Variants in ANKS1B observed in about 807,000 individuals in gnomAD.
ANKS1B encodes ankyrin repeat and sterile alpha motif domain-containing protein 1B.
ANKS1B carries 36 observed loss-of-function variants against 148.3 expected under a neutral mutation model. The observed-to-expected ratio is 0.24, with a 90% confidence interval of 0.19 to 0.32. The LOEUF (loss-of-function observed/expected upper bound fraction) is 0.32. Ranked by LOEUF, ANKS1B falls within the 10% of genes least tolerant of loss-of-function variation. The pLI is 1.00. For missense variants in ANKS1B, 1,157 were observed against 1,542.6 expected (o/e 0.75, Z 4.19); for synonymous variants, 542 against 560.8 (o/e 0.97, Z 0.47).
rs539726846 is a variant in ANKS1B at position 98,941,018 on chromosome 12, G to A, written c.2779-108882C>T. On this transcript the variant is annotated intron_variant, in intron 17 of 26. Coordinates refer to ENST00000683438, the MANE Select transcript of ANKS1B (RefSeq NM_001352186.2). ...ATTCATGGTAGTTATATTCTATAAG[G>A]TCACTACAAACACTGAATTGCAAAT... 1.0e-3 allele frequency among the ~76,000 whole-genome samples: 155 copies of A among 152,166 alleles called. 2 individuals carry two copies. Among genetic ancestry groups the A allele is most frequent in the Non-Finnish European group, 7.4e-4 (50 of 68,004 alleles).
At chr12:99,016,343 T>C (rs2099942527) in intron 17 of ANKS1B, among the ~76,000 whole-genome samples, 1 of 152,184 alleles carries the variant, frequency 6.6e-6, no homozygotes, top group Non-Finnish European at 1.5e-5. Flanking sequence ...TAAAGTATAC[T>C]CAGATTTGCT....
chr12:99,031,945 C>T (rs1250353716), intron 17 of ANKS1B, among the ~76,000 whole-genome samples: 1 of 152,128 alleles, frequency 6.6e-6, no homozygotes, highest in Admixed American at 6.5e-5. Context: ...TTACTTTGGC[C>T]TCAATTAAAA....
intron 3 of ANKS1B, among the ~76,000 whole-genome samples, chr12:99,807,489 G>T (rs1224207853): frequency 6.6e-6 from 1 of 152,158 alleles, no homozygotes; most frequent in Non-Finnish European, 1.5e-5. Context: ...GTATAGGTAT[G>T]TCAGGAGGTG....
chr12:99,185,750 G>C (rs1478352385), intron 14 of ANKS1B, among the ~76,000 whole-genome samples: 7 of 152,234 alleles, frequency 4.6e-5, no homozygotes, highest in African/African-American at 1.7e-4. Flanking sequence ...GCAACCTGCA[G>C]ACCAGGAGAT....
chr12:99,535,617 C>T (rs1484790807), intron 9 of ANKS1B, among the ~76,000 whole-genome samples: 1 of 152,082 alleles, frequency 6.6e-6, no homozygotes, highest in African/African-American at 2.4e-5. Context: ...CAACTGTATG[C>T]CAAGGCTCTA....
intron 8 of ANKS1B, among the ~76,000 whole-genome samples, chr12:99,771,286 A>T (rs1157141292): frequency 2.0e-5 from 3 of 152,066 alleles, no homozygotes; most frequent in African/African-American, 7.2e-5. Flanking sequence ...GTCTATATAT[A>T]TATAATTTAC....
intron 10 of ANKS1B, among the ~76,000 whole-genome samples, chr12:99,469,155 T>G (rs866281293): frequency 1.3e-5 from 2 of 151,568 alleles, no homozygotes; most frequent in African/African-American, 4.9e-5. Flanking sequence ...ATGGATGAAA[T>G]TGGAAATCAT....
In ANKS1B at chr12:99,830,664, C is replaced by A. The variant is rs116879785; in HGVS notation, c.135-5275G>T. ...CAAAAAAAAAAAAAAAGGAAAACAT[C>A]ATTCAATAAATAGTCCCGAGAAATA... is the stretch of plus-strand genomic sequence containing the variant. On this transcript the variant is annotated intron_variant, in intron 1 of 26. Transcript: ENST00000683438. 1.7e-3 allele frequency among the ~76,000 whole-genome samples: 248 copies of A among 149,998 alleles called. 8 individuals carry two copies. The East Asian group carries it at 0.041, about 25-fold the overall frequency.
intron 17 of ANKS1B, among the ~76,000 whole-genome samples, chr12:98,848,521 T>C (rs1339983260): frequency 6.6e-6 from 1 of 151,510 alleles, no homozygotes; most frequent in Admixed American, 6.6e-5. Flanking sequence ...CTCCCTGAAA[T>C]CCCTGGTTCA....
At chr12:99,105,958 C>T (rs1205041792) in intron 15 of ANKS1B, among the ~76,000 whole-genome samples, 1 of 151,950 alleles carries the variant, frequency 6.6e-6, no homozygotes, top group African/African-American at 2.4e-5. Context: ...AGGTCAAGAC[C>T]CAATTTTGAA....
chr12:99,953,810 G>C (rs1359575301), intron 1 of ANKS1B, among the ~76,000 whole-genome samples: 4 of 152,158 alleles, frequency 2.6e-5, no homozygotes, highest in Non-Finnish European at 4.4e-5. Context: ...AGCAGAGGTA[G>C]AGAGAGACAC....
intron 17 of ANKS1B, among the ~76,000 whole-genome samples, chr12:98,861,940 T>C (rs1555426137): frequency 6.6e-6 from 1 of 152,176 alleles, no homozygotes; most frequent in Non-Finnish European, 1.5e-5. Flanking sequence ...GGGGTGAGTG[T>C]TCTCTTATGA....
At chr12:99,923,778 T>C (rs2094422450) in intron 1 of ANKS1B, among the ~76,000 whole-genome samples, 1 of 152,058 alleles carries the variant, frequency 6.6e-6, no homozygotes, top group Non-Finnish European at 1.5e-5. Flanking sequence ...GGGGTACCTA[T>C]TTATTCATGT....
chr12:99,151,648 G>C (rs1006902530), intron 15 of ANKS1B, among the ~76,000 whole-genome samples: 3 of 152,098 alleles, frequency 2.0e-5, no homozygotes, highest in African/African-American at 7.2e-5. Flanking sequence ...AATCATCCAA[G>C]TGTTGCATTT....
intron 10 of ANKS1B, among the ~76,000 whole-genome samples, chr12:99,479,387 C>T (rs530882984): frequency 6.6e-6 from 1 of 152,100 alleles, no homozygotes; most frequent in Admixed American, 6.6e-5. Flanking sequence ...AGGGGTATTG[C>T]ATAAATTTTA....
Position 99,830,463 on chromosome 12 carries a change from A to G in ANKS1B, c.135-5074T>C, listed in dbSNP as rs116466251. 7.9e-3 allele frequency among the ~76,000 whole-genome samples: 1,199 copies of G among 152,218 alleles called. 14 individuals are homozygous for G. The highest frequency in any genetic ancestry group is 0.027 in the African/African-American group (1,133 of 41,550). On this transcript the variant is annotated intron_variant, in intron 1 of 26. Transcript: ENST00000683438. ...TTTAGAAGAATTTACGGGAAAAAAA[A>G]TTGTGAAACAAGAAGTAATAATGGG...
chr12:98,979,046 G>A (rs2099903766), intron 17 of ANKS1B, among the ~76,000 whole-genome samples: 1 of 151,722 alleles, frequency 6.6e-6, no homozygotes, highest in Non-Finnish European at 1.5e-5. Flanking sequence ...GGAGGCTGAG[G>A]CAGGAGAATG....
intron 22 of ANKS1B, among the ~76,000 whole-genome samples, chr12:98,788,111 T>G (rs1247690555): frequency 6.6e-6 from 1 of 151,706 alleles, no homozygotes; most frequent in African/African-American, 2.4e-5. Context: ...TGGAGAAAAC[T>G]TCAAAGATTT....
At chr12:99,417,583 A>T (rs1174387853) in intron 11 of ANKS1B, among the ~76,000 whole-genome samples, 1 of 152,128 alleles carries the variant, frequency 6.6e-6, no homozygotes, top group Non-Finnish European at 1.5e-5. Flanking sequence ...TTTACAAAAA[A>T]GTGTTGCTGT....
Sources: allele counts gnomAD v4.1 joint callset (sites outside exome capture counted in the v4.1 genomes callset), GRCh38; gene constraint gnomAD v4.1.1; transcripts MANE v1.5; gene names NCBI Gene and HGNC (gene_info 2026-07-23, HGNC 2026-07-21).